Variants in FGF1 observed in about 807,000 individuals in gnomAD.
FGF1 encodes fibroblast growth factor 1.
FGF1 carries 9 observed loss-of-function variants against 13.4 expected under a neutral mutation model. The observed-to-expected ratio is 0.67, with a 90% CI of 0.40 to 1.17. The LOEUF (loss-of-function observed/expected upper bound fraction) is 1.17, where lower values mean the gene tolerates loss of function less well. Ranked by LOEUF, FGF1 falls within the 50% of genes most tolerant of loss-of-function variation. FGF1 has a pLI of 0.01. For synonymous variants in FGF1, 93 were observed against 79.0 expected, an observed-to-expected ratio of 1.18 and a Z score of -0.94; for missense variants, 156 against 192.7, an observed-to-expected ratio of 0.81 and a Z score of 1.13.
chr5:142,614,273 C>A, intron 1 of FGF1, 112 bp from the exon 2 acceptor site: 1 of 774,940 alleles, frequency 1.3e-6, no homozygotes, highest in South Asian at 1.8e-5. Context: ...AGTGAGTAAG[C>A]ACAGCCTGCC....
intron 1 of FGF1, among the ~76,000 whole-genome samples, chr5:142,683,463 G>A (rs17223199): frequency 4.7e-4 from 71 of 152,274 alleles, no homozygotes; most frequent in African/African-American, 1.2e-3. Context: ...CAGGTAGCCC[G>A]ATATTTTGAG....
At chr5:142,669,318 G>C (rs983227452) in intron 1 of FGF1, among the ~76,000 whole-genome samples, 1 of 152,184 alleles carries the variant, frequency 6.6e-6, no homozygotes, top group Admixed American at 6.5e-5. Context: ...TCTCTGAAAA[G>C]CTCATCAGCC....
At position 142,617,683 on chromosome 5, in the gene FGF1, G is replaced by C. The variant is rs527313572; in HGVS notation, c.-34-3522C>G. Among the ~76,000 whole-genome samples the C allele has an allele frequency of 2.6e-5, 4 of 152,284 alleles. 1 individual carries two copies. The East Asian group carries it at 7.7e-4, about 29-fold the overall frequency. ...GTAGGCTTCTGAAAATAAGCCTGGA[G>C]TCAACATGAAACTGACAGACCATGG... is the stretch of plus-strand genomic sequence containing the variant. On this transcript the variant is annotated intron_variant, in intron 1 of 3. Coordinates refer to ENST00000337706, the MANE Select transcript of FGF1 (RefSeq NM_000800.5).
intron 1 of FGF1, chr5:142,671,767 G>T (rs1239944980): frequency 6.6e-6 from 1 of 152,202 alleles, no homozygotes; most frequent in Non-Finnish European, 1.5e-5. Flanking sequence ...CAATGAACAC[G>T]TTCTGCACAT....
At chr5:142,606,138 G>A (rs1222989434) in intron 2 of FGF1, among the ~76,000 whole-genome samples, 1 of 151,822 alleles carries the variant, frequency 6.6e-6, no homozygotes, top group Non-Finnish European at 1.5e-5. Context: ...GAGTGATACA[G>A]CAACACAATA....
At chr5:142,638,164 C>T (rs1246794146) in intron 1 of FGF1, among the ~76,000 whole-genome samples, 1 of 152,004 alleles carries the variant, frequency 6.6e-6, no homozygotes, top group Non-Finnish European at 1.5e-5. Context: ...TGAGTAAAGA[C>T]AGATGGCCTG....
rs181597052 is a variant in FGF1 at position 142,675,395 on chromosome 5, C to A, written c.-35+10562G>T. Among the ~76,000 whole-genome samples the A allele has an allele frequency of 7.0e-4, 107 of 152,306 alleles. 1 individual carries two copies. In the East Asian group the frequency reaches 0.014, roughly 20 times the overall value. ...CTCCAGACTGCGACCTGGACCCCTTCCCAGAATCCATCTCTCTGTGCTGGT... is the reference window on the plus strand; with the variant it reads ...CTCCAGACTGCGACCTGGACCCCTTACCAGAATCCATCTCTCTGTGCTGGT... On this transcript the variant is annotated intron_variant, in intron 1 of 3. Coordinates refer to ENST00000337706, the MANE Select transcript of FGF1 (RefSeq NM_000800.5).
upstream of FGF1, among the ~76,000 whole-genome samples, chr5:142,688,717 A>G (rs775412621): frequency 2.6e-5 from 4 of 152,246 alleles, no homozygotes; most frequent in Non-Finnish European, 5.9e-5. Context: ...AAAAAATTCT[A>G]GTAGGTTTAT....
upstream of FGF1, among the ~76,000 whole-genome samples, chr5:142,688,150 T>C (rs1751559016): frequency 6.6e-6 from 1 of 152,206 alleles, no homozygotes; most frequent in South Asian, 2.1e-4. Flanking sequence ...GCTACTGACA[T>C]ATGCTAATTT....
chr5:142,596,581 A>ATT (rs1248236555), intron 3 of FGF1, among the ~76,000 whole-genome samples: 6 of 121,966 alleles, frequency 4.9e-5, no homozygotes, highest in African/African-American at 1.8e-4. Flanking sequence ...ATTCTCTACA[A>ATT]TTTTTTTTTT....
intron 1 of FGF1, among the ~76,000 whole-genome samples, chr5:142,636,679 G>T (rs1460675595): frequency 6.6e-6 from 1 of 150,652 alleles, no homozygotes; most frequent in Non-Finnish European, 1.5e-5. Context: ...TAGGACCTGG[G>T]AGACTTCGGA....
chr5:142,659,606 C>A (rs1199541230), intron 1 of FGF1, among the ~76,000 whole-genome samples: 2 of 152,226 alleles, frequency 1.3e-5, no homozygotes, highest in Non-Finnish European at 2.9e-5. Context: ...CAGGCAGTTA[C>A]ATCACTGAAT....
upstream of FGF1, among the ~76,000 whole-genome samples, chr5:142,687,903 C>A (rs1372504821): frequency 6.6e-6 from 1 of 152,194 alleles, no homozygotes; most frequent in Non-Finnish European, 1.5e-5. Flanking sequence ...CTCCAGATTC[C>A]CCCCCTCCTA....
intron 1 of FGF1, among the ~76,000 whole-genome samples, chr5:142,674,515 A>G (rs1423220403): frequency 6.6e-6 from 1 of 152,204 alleles, no homozygotes; most frequent in African/African-American, 2.4e-5. Flanking sequence ...GTTAAAAATA[A>G]AACCCTTGGG....
Position 142,606,216 on chromosome 5 carries a change from C to CTGTGTGTGTGTGTGTG in FGF1, c.170-5412_170-5411insCACACACACACACACA, listed in dbSNP as rs1475595559. ...ACAAAATCTGCAACATTCTTTCTCT[C>CTGTGTGTGTGTGTGTG]TCTGTGTGTGTGTGTGTGTGTGTGT... is the stretch of plus-strand genomic sequence containing the variant. On this transcript the variant is annotated intron_variant, in intron 2 of 3. Transcript: ENST00000337706. 3.1e-4 allele frequency among the ~76,000 whole-genome samples: 23 copies of CTGTGTGTGTGTGTGTG among 73,602 alleles called. No individual in the cohort carries two copies. In the East Asian group the frequency reaches 5.4e-3, roughly 17 times the overall value. The allele number at this position is 73,602 out of a possible 152,430, so 48.3% of individuals were successfully genotyped here.
At chr5:142,688,380 A>G (rs919750795), upstream of FGF1, among the ~76,000 whole-genome samples, 1 of 152,214 alleles carries the variant, frequency 6.6e-6, no homozygotes, top group Non-Finnish European at 1.5e-5. Context: ...TGGAGACATG[A>G]TCATGTGAAT....
At chr5:142,675,624 A>G (rs1210243972) in intron 1 of FGF1, among the ~76,000 whole-genome samples, 1 of 152,112 alleles carries the variant, frequency 6.6e-6, no homozygotes, top group Non-Finnish European at 1.5e-5. Flanking sequence ...TTTAACCTCC[A>G]CCACCGTCCG....
rs556685294 is a variant in FGF1 at position 142,681,439 on chromosome 5, AC to A, written c.-35+4517del. Among the ~76,000 whole-genome samples, 194 of 151,718 alleles carry A rather than the reference AC, an allele frequency of 1.3e-3. 2 individuals are homozygous for A. Among genetic ancestry groups the A allele is most frequent in the Non-Finnish European group, 1.9e-3 (129 of 67,884 alleles). On this transcript the variant is annotated intron_variant, in intron 1 of 3. Coordinates refer to ENST00000337706, the MANE Select transcript of FGF1 (RefSeq NM_000800.5). ...CACCGTCCACTACCTGGTCAGAAAA[AC>A]CTTAGCCCCACTGTTCCCCAGTGCC...
At chr5:142,612,032 A>C (rs977734552) in intron 2 of FGF1, among the ~76,000 whole-genome samples, 1 of 152,238 alleles carries the variant, frequency 6.6e-6, no homozygotes, top group African/African-American at 2.4e-5. Context: ...AAGGAATATT[A>C]GTATTCTTTT....
Sources: allele counts gnomAD v4.1 joint callset (sites outside exome capture counted in the v4.1 genomes callset), GRCh38; gene constraint gnomAD v4.1.1; transcripts MANE v1.5; gene names NCBI Gene and HGNC (gene_info 2026-07-23, HGNC 2026-07-21).